DLGAP2: variants seen among roughly 807,000 people sequenced by gnomAD.
DLGAP2 encodes the protein disks large-associated protein 2.
Under a neutral mutation model 100.3 loss-of-function variants are expected in DLGAP2, and 26 were observed. That is an observed-to-expected ratio of 0.26 (90% CI 0.19 to 0.36). The LOEUF (loss-of-function observed/expected upper bound fraction) is 0.36, where lower values mean the gene tolerates loss of function less well. Ranked by LOEUF, DLGAP2 falls within the 10% of genes least tolerant of loss-of-function variation. The probability of loss-of-function intolerance (pLI) is 1.00; values close to 1 mark genes in which losing one functional copy is unlikely to be tolerated. For missense variants in DLGAP2, 1,858 were observed against 1,453.2 expected (o/e 1.28, Z -4.53); for synonymous variants, 886 against 630.1 (o/e 1.41, Z -6.08).
intron 2 of DLGAP2, among the ~76,000 whole-genome samples, chr8:955,539 C>A (rs959727972): frequency 2.0e-5 from 3 of 152,114 alleles, no homozygotes; most frequent in Admixed American, 6.6e-5. Flanking sequence ...GGTGGGCTTC[C>A]TTCTTGGCTT....
intron 2 of DLGAP2, among the ~76,000 whole-genome samples, chr8:939,889 C>T (rs1265644621): frequency 6.6e-6 from 1 of 151,112 alleles, no homozygotes; most frequent in Admixed American, 6.6e-5. Flanking sequence ...GGTGCCCACT[C>T]GGAGGCCCCA....
intron 1 of DLGAP2, among the ~76,000 whole-genome samples, chr8:849,889 C>T (rs1468407457): frequency 6.6e-6 from 1 of 152,072 alleles, no homozygotes; most frequent in African/African-American, 2.4e-5. Flanking sequence ...CATGGTGAAA[C>T]CCCATCTCTA....
chr8:1,120,216 T>A (rs117472392), intron 2 of DLGAP2, among the ~76,000 whole-genome samples: 1 of 152,124 alleles, frequency 6.6e-6, no homozygotes, highest in African/African-American at 2.4e-5. Context: ...CCATCCTCCA[T>A]GCAGCTGCTT....
chr8:1,302,239 G>A (rs1800365356), intron 3 of DLGAP2: 1 of 148,998 alleles, frequency 6.7e-6, no homozygotes, highest in Non-Finnish European at 1.5e-5. Context: ...CCATACCTGG[G>A]ACCGGACTCA....
At chr8:877,909 T>C (rs1797715805) in intron 1 of DLGAP2, among the ~76,000 whole-genome samples, 2 of 152,236 alleles carry the variant, frequency 1.3e-5, no homozygotes, top group South Asian at 4.1e-4. Context: ...AAGTGGAGTC[T>C]CTTGACTTTC....
chr8:1,672,599 C>T (rs112670804), intron 10 of DLGAP2, among the ~76,000 whole-genome samples: 1,761 of 152,324 alleles, frequency 0.012, 17 homozygotes, highest in Non-Finnish European at 0.019. Flanking sequence ...AAAGACTCTG[C>T]GGCTGTCCAT....
chr8:1,359,452 C>A (rs185806951), intron 3 of DLGAP2, among the ~76,000 whole-genome samples: 1 of 152,250 alleles, frequency 6.6e-6, no homozygotes. Flanking sequence ...AGCCCAGGAA[C>A]GTGGGCGTGG....
chr8:1,266,294 A>C (rs1208543406), intron 3 of DLGAP2, among the ~76,000 whole-genome samples: 1 of 152,196 alleles, frequency 6.6e-6, no homozygotes, highest in Non-Finnish European at 1.5e-5. Flanking sequence ...CCAAGCAGCC[A>C]TGCTTTTATT....
chr8:1,360,254 G>T (rs1313439768), intron 3 of DLGAP2, among the ~76,000 whole-genome samples: 1 of 141,740 alleles, frequency 7.1e-6, no homozygotes, highest in African/African-American at 2.7e-5. Context: ...CTCCGGGGCG[G>T]GGCTTCTCCG....
At chr8:1,309,144 T>A in intron 3 of DLGAP2, among the ~76,000 whole-genome samples, 1 of 149,974 alleles carries the variant, frequency 6.7e-6, no homozygotes, top group African/African-American at 2.5e-5. Context: ...ATTACAAGAG[T>A]CTCCGAAAAG....
At chr8:1,381,821 GTGTT>G (rs1273706683) in intron 3 of DLGAP2, among the ~76,000 whole-genome samples, 58 of 142,460 alleles carry the variant, frequency 4.1e-4, no homozygotes, top group African/African-American at 1.5e-3. Context: ...GTGTGTGTGT[GTGTT>G]TGTATCACAT....
chr8:1,419,704 C>T (rs1379740790), intron 3 of DLGAP2, among the ~76,000 whole-genome samples: 5 of 152,032 alleles, frequency 3.3e-5, no homozygotes, highest in Non-Finnish European at 5.9e-5. Flanking sequence ...ACCAGAAAGA[C>T]CAAAAGTAAC....
chr8:1,224,359 A>C (rs1381737434), intron 2 of DLGAP2, among the ~76,000 whole-genome samples: 1 of 152,224 alleles, frequency 6.6e-6, no homozygotes, highest in Non-Finnish European at 1.5e-5. Context: ...TCATATCCCA[A>C]GCACCAAGAA....
intron 3 of DLGAP2, among the ~76,000 whole-genome samples, chr8:1,448,228 C>A (rs144126571): frequency 6.6e-6 from 1 of 151,936 alleles, no homozygotes; most frequent in African/African-American, 2.4e-5. Context: ...GCATTTAGTG[C>A]GGTAAATTTC....
chr8:818,147 CAG>C (rs1796519814), intron 1 of DLGAP2, among the ~76,000 whole-genome samples: 1 of 152,140 alleles, frequency 6.6e-6, no homozygotes, highest in African/African-American at 2.4e-5. Flanking sequence ...TGTCTGAGCT[CAG>C]ACTCTCCTTG....
intron 2 of DLGAP2, among the ~76,000 whole-genome samples, chr8:1,172,769 C>G (rs1038923674): frequency 6.6e-5 from 10 of 152,254 alleles, no homozygotes; most frequent in African/African-American, 2.2e-4. Flanking sequence ...ATTGGTTATT[C>G]TAGTTATACA....
intron 2 of DLGAP2, among the ~76,000 whole-genome samples, chr8:1,254,978 G>GCCGCT (rs1252614696): frequency 1.3e-5 from 2 of 148,310 alleles, no homozygotes; most frequent in Admixed American, 6.7e-5. Flanking sequence ...ATCCTGTCCG[G>GCCGCT]GTGCTGTGTG....
chr8:1,081,088 T>A (rs1803792773), intron 2 of DLGAP2, among the ~76,000 whole-genome samples: 2 of 152,218 alleles, frequency 1.3e-5, no homozygotes, highest in Admixed American at 1.3e-4. Flanking sequence ...AAATTTGTGT[T>A]AATTTGTTCC....
At chr8:1,361,366 C>T (rs1052294097) in intron 3 of DLGAP2, among the ~76,000 whole-genome samples, 6 of 152,178 alleles carry the variant, frequency 3.9e-5, no homozygotes, top group African/African-American at 1.4e-4. Flanking sequence ...ATTTATAGGA[C>T]TTGGATTTAT....
Sources: gnomAD v4.1 joint callset for allele counts (sites outside exome capture counted in the v4.1 genomes callset) on GRCh38, gnomAD v4.1.1 for gene constraint, MANE v1.5 for transcripts, NCBI Gene and HGNC (gene_info 2026-07-23, HGNC 2026-07-21) for gene names.